Variants in VGLL4 observed in about 807,000 individuals in gnomAD.
VGLL4 encodes vestigial like family member 4, also known as transcription cofactor vestigial-like protein 4.
A neutral mutation model predicts 21.0 loss-of-function variants in VGLL4; 7 were observed. The ratio of observed to expected loss-of-function variants is 0.33; its 90% CI spans 0.19 to 0.63. The LOEUF is 0.63. Among genes scored for constraint, VGLL4 ranks in the 20% least tolerant of loss-of-function variants. The pLI is 0.78. For missense variants in VGLL4, 394 were observed against 425.7 expected, an observed-to-expected ratio of 0.93 and a Z score of 0.66; for synonymous variants, 222 against 173.2, an observed-to-expected ratio of 1.28 and a Z score of -2.21.
intron 2 of VGLL4, among the ~76,000 whole-genome samples, chr3:11,658,657 C>T (rs868776206): frequency 4.4e-5 from 5 of 114,100 alleles, no homozygotes; most frequent in Admixed American, 8.6e-5. Context: ...TTTATCCAGC[C>T]GGCATGTGGC....
At chr3:11,720,918 C>A (rs998411200), upstream of VGLL4, among the ~76,000 whole-genome samples, 2 of 152,006 alleles carry the variant, frequency 1.3e-5, no homozygotes, top group South Asian at 2.1e-4. Context: ...AGGCCTGATA[C>A]CCGCCCCCCG....
At chr3:11,703,315 C>T (rs1559954040) in intron 1 of VGLL4, among the ~76,000 whole-genome samples, 1 of 152,202 alleles carries the variant, frequency 6.6e-6, no homozygotes, top group African/African-American at 2.4e-5. Flanking sequence ...AATATTCATG[C>T]CCATGTTATT....
intron 2 of VGLL4, among the ~76,000 whole-genome samples, chr3:11,656,989 G>A (rs1314132361): frequency 1.3e-5 from 2 of 152,194 alleles, no homozygotes; most frequent in Non-Finnish European, 2.9e-5. Flanking sequence ...AGGAGGTAAG[G>A]AAGGCCAGCC....
intron 2 of VGLL4, among the ~76,000 whole-genome samples, chr3:11,667,646 G>T (rs941372765): frequency 1.3e-5 from 2 of 152,064 alleles, no homozygotes; most frequent in African/African-American, 2.4e-5. Flanking sequence ...AAACACATGT[G>T]TAGAAGACCA....
At chr3:11,717,555 G>A (rs1032481991) in intron 1 of VGLL4, among the ~76,000 whole-genome samples, 1 of 137,460 alleles carries the variant, frequency 7.3e-6, no homozygotes, top group Non-Finnish European at 1.5e-5. Context: ...TGTCCAGGCT[G>A]GTCTGGAACT....
intron 2 of VGLL4, among the ~76,000 whole-genome samples, chr3:11,601,381 A>G (rs1272505637): frequency 6.6e-6 from 1 of 152,194 alleles, no homozygotes; most frequent in Non-Finnish European, 1.5e-5. Context: ...CGTGTGTACA[A>G]TCCTAGACTC....
At position 11,558,586 on chromosome 3, in the gene VGLL4, G is replaced by A. The variant is rs991860544; in HGVS notation, c.861C>T (p.Ser287=). ...QPASPSAHMV[S]HSHSPSVVS ...AGACCACAGAGGGGGAGTGACTGTG[G>A]CTGACCATGTGGGCAGAGGGGCTGG... Residue 287 remains serine, a synonymous_variant, in exon 5 of 5, where the codon AGC becomes AGT. Transcript: ENST00000430365. The A allele has an allele frequency of 1.9e-6, 3 of 1,604,034 alleles. No individual in the cohort carries two copies. Among genetic ancestry groups the A allele is most frequent in the Non-Finnish European group, 2.5e-6 (3 of 1,179,934 alleles).
chr3:11,696,830 CCAGGAT>C (rs1575540196), intron 2 of VGLL4, among the ~76,000 whole-genome samples: 1 of 152,256 alleles, frequency 6.6e-6, no homozygotes, highest in East Asian at 1.9e-4. Flanking sequence ...CCTAGTACTC[CCAGGAT>C]CAGGTGATCC....
chr3:11,648,003 T>A (rs967899618), upstream of VGLL4, among the ~76,000 whole-genome samples: 1 of 130,810 alleles, frequency 7.6e-6, no homozygotes, highest in South Asian at 2.4e-4. Context: ...AAAAAAAAAA[T>A]ACTAGAAAAT....
At chr3:11,597,847 G>T (rs975594228) in intron 2 of VGLL4, among the ~76,000 whole-genome samples, 14 of 152,060 alleles carry the variant, frequency 9.2e-5, no homozygotes, top group African/African-American at 3.4e-4. Flanking sequence ...AACCCCTGGT[G>T]GTTCGGTAAC....
intron 2 of VGLL4, among the ~76,000 whole-genome samples, chr3:11,584,877 G>C (rs1402985522): frequency 1.3e-5 from 2 of 150,898 alleles, no homozygotes; most frequent in African/African-American, 4.9e-5. Context: ...TCCATGTGCA[G>C]CATCTCACCA....
chr3:11,581,780 T>G (rs73125010), intron 2 of VGLL4, among the ~76,000 whole-genome samples: 2,332 of 152,282 alleles, frequency 0.015, 64 homozygotes, highest in African/African-American at 0.052. Flanking sequence ...GTAATTTTCT[T>G]TAAGAATAAA....
intron 2 of VGLL4, among the ~76,000 whole-genome samples, chr3:11,667,894 C>CCCAGGCTA (rs1219444618): frequency 7.3e-6 from 1 of 136,474 alleles, no homozygotes; most frequent in African/African-American, 2.7e-5. Flanking sequence ...CACTCTGCTG[C>CCCAGGCTA]CCAGGCTAGA....
At chr3:11,579,217 T>TAAAAAA (rs34908529) in intron 2 of VGLL4, among the ~76,000 whole-genome samples, 1 of 134,634 alleles carries the variant, frequency 7.4e-6, no homozygotes, top group Non-Finnish European at 1.6e-5. Flanking sequence ...GCTAACTTTC[T>TAAAAAA]AAAAAAAAAA....
chr3:11,702,976 T>C, exon 2 of VGLL4: 3 of 1,611,792 alleles, frequency 1.9e-6, no homozygotes, highest in Non-Finnish European at 2.5e-6. Flanking sequence ...CTTACGTTTT[T>C]CGTCATCAGC....
chr3:11,668,622 A>G (rs1054129621), intron 2 of VGLL4, among the ~76,000 whole-genome samples: 3 of 152,182 alleles, frequency 2.0e-5, no homozygotes, highest in African/African-American at 7.2e-5. Context: ...GAAACCTTCA[A>G]TGGCCACAGT....
intron 2 of VGLL4, among the ~76,000 whole-genome samples, chr3:11,656,639 G>A (rs888907915): frequency 3.9e-5 from 6 of 152,170 alleles, no homozygotes; most frequent in African/African-American, 9.7e-5. Context: ...TCGCATTCTC[G>A]AGGGGAGGGA....
intron 2 of VGLL4, among the ~76,000 whole-genome samples, chr3:11,652,395 A>C (rs17034986): frequency 0.091 from 13,785 of 152,184 alleles, 673 homozygotes; most frequent in South Asian, 0.11. Context: ...TAATCCTAAA[A>C]AGTGCAGACT....
At chr3:11,721,582 A>G (rs2076993280), upstream of VGLL4, among the ~76,000 whole-genome samples, 1 of 152,254 alleles carries the variant, frequency 6.6e-6, no homozygotes, top group African/African-American at 2.4e-5. Context: ...GTTTTAGTCC[A>G]TCAGTAGTCT....
Sources: allele counts gnomAD v4.1 joint callset (sites outside exome capture counted in the v4.1 genomes callset), GRCh38; gene constraint gnomAD v4.1.1; transcripts MANE v1.5; gene names NCBI Gene and HGNC (gene_info 2026-07-23, HGNC 2026-07-21).